CFAP251: variants seen among roughly 807,000 people sequenced by gnomAD.
CFAP251 encodes cilia and flagella associated protein 251, also known as cilia- and flagella-associated protein 251.
CFAP251 carries 93 observed loss-of-function variants against 126.7 expected under a neutral mutation model. The ratio of observed to expected loss-of-function variants is 0.73; its 90% CI spans 0.62 to 0.87. The LOEUF (loss-of-function observed/expected upper bound fraction) is 0.87, where lower values mean the gene tolerates loss of function less well. Among genes scored for constraint, CFAP251 ranks in the 40% least tolerant of loss-of-function variants. CFAP251 has a pLI of 0.00. For missense variants in CFAP251, 1,287 were observed against 1,389.2 expected (o/e 0.93, Z 1.17); for synonymous variants, 503 against 506.9 (o/e 0.99, Z 0.10).
chr12:121,981,238 C>T (rs952316403), intron 19 of CFAP251, among the ~76,000 whole-genome samples: 1 of 151,922 alleles, frequency 6.6e-6, no homozygotes. Flanking sequence ...GAGGCTGAGG[C>T]AGGAGGATCG....
intron 6 of CFAP251, 24 bp downstream of exon 6, chr12:121,942,669 C>G (rs1183212901): frequency 6.3e-7 from 1 of 1,590,784 alleles, no homozygotes; most frequent in African/African-American, 1.3e-5. Flanking sequence ...CCCTTTGGGT[C>G]AGCATCAGCG....
At chr12:121,981,451 C>A (rs1233188207) in intron 19 of CFAP251, among the ~76,000 whole-genome samples, 2 of 152,202 alleles carry the variant, frequency 1.3e-5, no homozygotes, top group Non-Finnish European at 2.9e-5. Flanking sequence ...ACACCCCACA[C>A]TCCTGCATAT....
At chr12:121,928,564 G>A (rs1389531384) in intron 3 of CFAP251, among the ~76,000 whole-genome samples, 14 of 148,656 alleles carry the variant, frequency 9.4e-5, no homozygotes, top group African/African-American at 2.7e-4. Flanking sequence ...GCAACGCAAC[G>A]CATCACTTTC....
intron 19 of CFAP251, among the ~76,000 whole-genome samples, chr12:121,976,351 C>T (rs1051375564): frequency 6.6e-6 from 1 of 152,088 alleles, no homozygotes; most frequent in Admixed American, 6.6e-5. Flanking sequence ...CTACGCAGCC[C>T]TGGGCACGGT....
intron 19 of CFAP251, among the ~76,000 whole-genome samples, chr12:121,986,878 A>C (rs1882762416): frequency 6.6e-6 from 1 of 151,832 alleles, no homozygotes; most frequent in Non-Finnish European, 1.5e-5. Context: ...ATTTGGGGAG[A>C]CCTCGGACAT....
In CFAP251 at chr12:121,958,997, T is replaced by G. The variant is rs759887596; in HGVS notation, c.2036T>G (p.Met679Arg). The G allele has an allele frequency of 7.4e-6, 12 of 1,611,976 alleles. No homozygotes were observed. The South Asian group carries it at 1.2e-4, about 16-fold the overall frequency. The change falls in exon 13 of 22, where the codon ATG becomes AGG. Residue 679 changes from methionine to arginine, a missense_variant. Met to Arg is a moderately conservative substitution (Grantham distance 91). Transcript: ENST00000288912. ...GGGACAGTTTACATTCTTGATGCAA[T>G]GTCTTTAGAAAATGAAAGCCCAGAG... ...TEGTVYILDA[M>R]SLENESPEPF...
chr12:121,962,763 A>C (rs1056099163), intron 15 of CFAP251, among the ~76,000 whole-genome samples: 5 of 151,672 alleles, frequency 3.3e-5, no homozygotes, highest in Admixed American at 2.6e-4. Flanking sequence ...AAGGCCTTGG[A>C]GAGCAGGGGA....
At chr12:121,975,121 G>A (rs1319173762) in intron 17 of CFAP251, 123 bp from the exon 18 acceptor site, 7 of 720,226 alleles carry the variant, frequency 9.7e-6, no homozygotes, top group Middle Eastern at 3.9e-4. Flanking sequence ...CAAGTGTGTA[G>A]AGACCCTAAC....
At position 122,002,002 on chromosome 12, in the gene CFAP251, C is replaced by T. The variant is rs371628752; in HGVS notation, c.3337+404C>T. ...CTTTGGGAGGCCAAGGCAGGAGAAT[C>T]GCTTGAGGTTCAGAATTTGAGACTG... On this transcript the variant is annotated intron_variant, in intron 21 of 21. Coordinates refer to ENST00000288912, the MANE Select transcript of CFAP251 (RefSeq NM_144668.6). 2.3e-3 allele frequency: 505 copies of T among 219,750 alleles called. 4 individuals are homozygous for T. Among genetic ancestry groups the T allele is most frequent in the Middle Eastern group, 9.7e-3 (5 of 516 alleles). 13.6% of individuals were successfully genotyped at this position (219,750 alleles called of 1,614,324 possible). A position where few individuals can be genotyped will look rare whatever the true frequency, so the allele number is the denominator to read the frequency against.
In CFAP251 at chr12:121,942,943, A is replaced by G. The variant is rs1282310748; in HGVS notation, c.1159A>G (p.Thr387Ala). 1 of 1,614,048 alleles carries G rather than the reference A, an allele frequency of 6.2e-7. No individual in the cohort carries two copies. Among genetic ancestry groups the G allele is most frequent in the Non-Finnish European group, 8.5e-7 (1 of 1,180,002 alleles). Residue 387 changes from threonine (T) to alanine (A), a missense_variant, in exon 7 of 22, where the codon ACT becomes GCT. Physicochemically the swap from Thr to Ala is moderately conservative, Grantham distance 58 (BLOSUM62 0). Transcript: ENST00000288912. ...TTTGGCAGTGGAAACGCCAGCATGCACTCTCGAACTCCCCACAGAGTACGG... is the reference window on the plus strand; with the variant it reads ...TTTGGCAGTGGAAACGCCAGCATGCGCTCTCGAACTCCCCACAGAGTACGG... ...WTLAVETPACTLELPTEYGVQ... is the reference protein window; with the variant it reads ...WTLAVETPACALELPTEYGVQ...
At chr12:122,002,992 A>G (rs1481413184) in intron 21 of CFAP251, among the ~76,000 whole-genome samples, 1 of 152,034 alleles carries the variant, frequency 6.6e-6, no homozygotes, top group African/African-American at 2.4e-5. Context: ...TCCCTACCCC[A>G]TTCCTTTATG....
intron 19 of CFAP251, among the ~76,000 whole-genome samples, chr12:121,990,379 C>G (rs902246028): frequency 7.9e-5 from 12 of 152,220 alleles, no homozygotes; most frequent in African/African-American, 2.9e-4. Flanking sequence ...GTGAGATCCC[C>G]ATGGGCCCCG....
chr12:121,924,911 T>C (rs1480366016), intron 3 of CFAP251, among the ~76,000 whole-genome samples: 1 of 151,998 alleles, frequency 6.6e-6, no homozygotes, highest in African/African-American at 2.4e-5. Flanking sequence ...ATTCCGCCCC[T>C]TTCCCCAGCT....
chr12:121,998,916 AAAG>A (rs1883087237), intron 19 of CFAP251: 2 of 150,296 alleles, frequency 1.3e-5, no homozygotes, highest in South Asian at 4.2e-4. Flanking sequence ...AAAAAAAAAA[AAAG>A]GGGGAAGTGG....
At chr12:121,924,063 T>C (rs2135744118) in intron 3 of CFAP251, 73 bp downstream of exon 3, 1 of 1,482,960 alleles carries the variant, frequency 6.7e-7, no homozygotes, top group East Asian at 2.3e-5. Context: ...TTATGCATGT[T>C]GGGGGAAAAA....
In CFAP251 at chr12:121,954,040, G is replaced by A. The variant is rs114802554; in HGVS notation, c.1321-80G>A. On this transcript the variant is annotated intron_variant, in intron 9 of 21. Coordinates refer to ENST00000288912, the MANE Select transcript of CFAP251 (RefSeq NM_144668.6). ...CTTTTTCTCACTATATTTCAGCATA[G>A]CATTATAAAATATCGTATTGATAAA... 1,328 of 1,214,730 alleles carry A rather than the reference G, an allele frequency of 1.1e-3. 13 individuals carry two copies. In the African/African-American group the frequency reaches 0.018, roughly 16 times the overall value. The allele number at this position is 1,214,730 out of a possible 1,614,324, so 75.2% of individuals were successfully genotyped here.
In CFAP251 at chr12:122,003,662, T is replaced by C. The variant is rs942062645; in HGVS notation, c.3348T>C (p.Ile1116=). ...TCTTGTTTTGGCTAGGTTCAGAAAT[T>C]TGCCTTGAAGAAGAACTTCCAGACG... ...PATCSVKGSE[I]CLEEELPDEI... is the part of the protein sequence containing the mutation. Residue 1116 remains isoleucine (I), a synonymous_variant, in exon 22 of 22, where the codon ATT becomes ATC. Transcript: ENST00000288912. 13 of 1,608,812 alleles carry C rather than the reference T, an allele frequency of 8.1e-6. No homozygotes were observed. The Middle Eastern group carries it at 8.2e-4, about 102-fold the overall frequency.
intron 19 of CFAP251, among the ~76,000 whole-genome samples, chr12:121,994,125 G>C (rs1274109168): frequency 4.2e-4 from 47 of 111,462 alleles, no homozygotes; most frequent in Non-Finnish European, 6.8e-4. Context: ...CCCTCTGCCC[G>C]GCCAGCCGCC....
intron 19 of CFAP251, among the ~76,000 whole-genome samples, chr12:121,992,944 G>A (rs1171827219): frequency 7.5e-6 from 1 of 133,212 alleles, no homozygotes; most frequent in African/African-American, 2.9e-5. Context: ...AATCACAAGA[G>A]CTCTCCCTCT....
Sources: gnomAD v4.1 joint callset for allele counts (sites outside exome capture counted in the v4.1 genomes callset) on GRCh38, gnomAD v4.1.1 for gene constraint, MANE v1.5 for transcripts, NCBI Gene and HGNC (gene_info 2026-07-23, HGNC 2026-07-21) for gene names.